The following MYO18A variants were observed in gnomAD, a reference collection of about 807,000 sequenced individuals.
MYO18A encodes the protein myosin XVIIIA.
MYO18A carries 78 observed loss-of-function variants against 235.8 expected under a neutral mutation model. That is an observed-to-expected ratio of 0.33 (90% CI 0.28 to 0.40). The LOEUF is 0.40. Among genes scored for constraint, MYO18A ranks in the 10% least tolerant of loss-of-function variants. The pLI is 1.00. For synonymous variants in MYO18A, 977 were observed against 1,077.8 expected (o/e 0.91, Z 1.83); for missense variants, 2,215 against 2,699.3 (o/e 0.82, Z 3.98).
intron 1 of MYO18A, among the ~76,000 whole-genome samples, chr17:29,178,178 T>C (rs566702930): frequency 5.9e-5 from 9 of 151,458 alleles, no homozygotes; most frequent in African/African-American, 1.2e-4. Flanking sequence ...AGCCCAGGAG[T>C]GAGGCTGAGA....
intron 14 of MYO18A, 43 bp from the exon 15 acceptor site, chr17:29,114,140 T>G: frequency 6.8e-7 from 1 of 1,464,630 alleles, no homozygotes. Context: ...GGGGTCACAT[T>G]GTGGGGAACA....
intron 40 of MYO18A, among the ~76,000 whole-genome samples, chr17:29,085,051 G>A (rs1014168556): frequency 2.0e-5 from 3 of 152,202 alleles, no homozygotes; most frequent in Admixed American, 1.3e-4. Context: ...CCCCCGCCAC[G>A]GCAAGCAGCC....
chr17:29,150,401 G>T (rs757172765), intron 2 of MYO18A, among the ~76,000 whole-genome samples: 3 of 152,234 alleles, frequency 2.0e-5, no homozygotes, highest in Admixed American at 2.0e-4. Context: ...GAAAGGAAGC[G>T]CTGCCCCAGT....
Position 29,111,930 on chromosome 17 carries a change from G to A in MYO18A, c.2599-67C>T, listed in dbSNP as rs1196137067. 15 of 1,545,958 alleles carry A rather than the reference G, an allele frequency of 9.7e-6. No homozygotes were observed. The highest frequency in any genetic ancestry group is 6.0e-5 in the Admixed American group (3 of 50,304). On this transcript the variant is annotated intron_variant, in intron 15 of 41. Transcript: ENST00000527372. This position sits in a 1 kb window ranked among gnomAD's most constrained non-coding sequence, Gnocchi z 5.1. ...GTGGGAAAGGGGCCAGGGTGGTGCC[G>A]GGCCCAAACACACCCTACAGAATGC...
At position 29,082,464 on chromosome 17, in the gene MYO18A, A is replaced by G. The variant is rs200965598; in HGVS notation, c.5898-26T>C. 9.0e-4 allele frequency: 1,455 copies of G among 1,608,474 alleles called. 5 individuals carry two copies. The highest frequency in any genetic ancestry group is 9.0e-3 in the Middle Eastern group (44 of 4,874). Reference sequence around the variant, plus strand: ...CTGTAGGGATGAGGAGCAGAAAGGTAGACAAGGCATAGGCACCTGCTGCCC... The same window carrying G: ...CTGTAGGGATGAGGAGCAGAAAGGTGGACAAGGCATAGGCACCTGCTGCCC... On this transcript the variant is annotated intron_variant, in intron 40 of 41. Coordinates refer to ENST00000527372, the MANE Select transcript of MYO18A (RefSeq NM_078471.4).
chr17:29,080,732 C>G lies in MYO18A; in HGVS notation c.6020+1584G>C, dbSNP rs946268541. 12 of 985,428 alleles carry G rather than the reference C, an allele frequency of 1.2e-5. 1 individual carries two copies. The highest frequency in any genetic ancestry group is 9.4e-5 in the South Asian group (2 of 21,294). The allele number at this position is 985,428 out of a possible 1,614,324, so 61.0% of individuals were successfully genotyped here. On this transcript the variant is annotated intron_variant, in intron 41 of 41. Coordinates refer to ENST00000527372, the MANE Select transcript of MYO18A (RefSeq NM_078471.4). ...CCCCACCGCTTCTGCGGCCCCCGGCCAGCGCGCCCCCCGGTCCCCGAGCGG... is the reference window on the plus strand; with the variant it reads ...CCCCACCGCTTCTGCGGCCCCCGGCGAGCGCGCCCCCCGGTCCCCGAGCGG...
chr17:29,104,091 G>C (rs187474916), intron 20 of MYO18A, among the ~76,000 whole-genome samples: 5 of 152,348 alleles, frequency 3.3e-5, no homozygotes, highest in African/African-American at 9.6e-5. Flanking sequence ...CTGGAACTGG[G>C]GGGTGGGTAG....
At chr17:29,128,035 T>A (rs2067367359) in intron 2 of MYO18A, 1 of 1,013,806 alleles carries the variant, frequency 9.9e-7, no homozygotes, top group African/African-American at 1.7e-5. Flanking sequence ...CTGGGGAGCC[T>A]GGCTCCTGGC....
intron 1 of MYO18A, among the ~76,000 whole-genome samples, chr17:29,170,862 T>G (rs55902508): frequency 0.14 from 20,917 of 152,140 alleles, 2,250 homozygotes; most frequent in East Asian, 0.57. Context: ...CTCATATTCA[T>G]GCAATGGAAT....
chr17:29,118,132 C>T lies in MYO18A; in HGVS notation c.1951G>A (p.Val651Met), dbSNP rs370640077. The change falls in exon 10 of 42, where the codon GTG becomes ATG. Residue 651 changes from valine to methionine, a missense_variant. Transcript: ENST00000527372. This position sits in a 1 kb window ranked among gnomAD's most constrained non-coding sequence, Gnocchi z 4.2. ...TGTTCATCGGGGGAGATGCCCAGCACCTTCATGGCCGCCTGCAGCTTACTA... is the reference window on the plus strand; with the variant it reads ...TGTTCATCGGGGGAGATGCCCAGCATCTTCATGGCCGCCTGCAGCTTACTA... ...QFSKLQAAMK[V>M]LGISPDEQKA... 11 of 1,596,012 alleles carry T rather than the reference C, an allele frequency of 6.9e-6. No homozygotes were observed. The highest frequency in any genetic ancestry group is 8.5e-6 in the Non-Finnish European group (10 of 1,170,796).
At chr17:29,130,367 C>T (rs1490916481) in intron 2 of MYO18A, among the ~76,000 whole-genome samples, 1 of 146,250 alleles carries the variant, frequency 6.8e-6, no homozygotes, top group Non-Finnish European at 1.5e-5. Context: ...ATTGGTAAGA[C>T]TTACACAGTA....
At chr17:29,131,861 GA>G (rs947012885) in intron 2 of MYO18A, among the ~76,000 whole-genome samples, 1 of 152,250 alleles carries the variant, frequency 6.6e-6, no homozygotes, top group East Asian at 1.9e-4. Context: ...TCTAGTGACT[GA>G]GGAGGTAAAA....
chr17:29,107,908 T>C (rs2066831649), intron 19 of MYO18A, among the ~76,000 whole-genome samples: 2 of 135,984 alleles, frequency 1.5e-5, no homozygotes, highest in African/African-American at 6.1e-5. Context: ...AGAGCAAGAC[T>C]GTGTCTCAAA....
chr17:29,157,263 T>C (rs1405831154), intron 2 of MYO18A, among the ~76,000 whole-genome samples: 1 of 152,218 alleles, frequency 6.6e-6, no homozygotes, highest in Non-Finnish European at 1.5e-5. Context: ...GAATCCTGCC[T>C]GCTGCCACTT....
Position 29,110,089 on chromosome 17 carries a change from C to A in MYO18A, c.3100G>T (p.Asp1034Tyr). Residue 1034 changes from aspartate to tyrosine, a missense_variant, in exon 19 of 42, where the codon GAC (aspartate) becomes TAC (tyrosine). Coordinates refer to ENST00000527372, the MANE Select transcript of MYO18A (RefSeq NM_078471.4). ...QMKLQVDALI[D>Y]TIKKSKLHFV... ...TGCAGCTTTGACTTCTTGATGGTGT[C>A]GATGAGGGCGTCCTGCCGAGGGGAA... The A allele has an allele frequency of 6.2e-7, 1 of 1,610,598 alleles. No homozygotes were observed. The highest frequency in any genetic ancestry group is 1.3e-5 in the African/African-American group (1 of 75,026).
intron 2 of MYO18A, chr17:29,124,686 C>T: frequency 7.8e-7 from 1 of 1,284,172 alleles, no homozygotes; most frequent in Non-Finnish European, 1.0e-6. Context: ...CCTCAGAGTC[C>T]AGCTACCGAC....
At chr17:29,168,220 T>G (rs1376649943) in intron 1 of MYO18A, among the ~76,000 whole-genome samples, 1 of 151,896 alleles carries the variant, frequency 6.6e-6, no homozygotes, top group Non-Finnish European at 1.5e-5. Context: ...CCTAAAAAAT[T>G]CACATCCTTT....
At chr17:29,136,249 A>AT (rs1567623846) in intron 2 of MYO18A, among the ~76,000 whole-genome samples, 116 of 77,566 alleles carry the variant, frequency 1.5e-3, no homozygotes, top group African/African-American at 3.2e-3. Context: ...AAAAAAAAAA[A>AT]AATATATATA....
Position 29,135,150 on chromosome 17 carries a change from G to C in MYO18A, c.1000-12897C>G, listed in dbSNP as rs2067566730. Among the ~76,000 whole-genome samples the C allele has an allele frequency of 2.0e-5, 3 of 151,656 alleles. No individual in the cohort carries two copies. In the South Asian group the frequency reaches 6.3e-4, roughly 32 times the overall value. ...TCATCTCACTCTATCACCCAGGCTG[G>C]AGTACAGTGGTGCAATCTTGCCTCA... On this transcript the variant is annotated intron_variant, in intron 2 of 41. Coordinates refer to ENST00000527372, the MANE Select transcript of MYO18A (RefSeq NM_078471.4).
Sources: allele counts gnomAD v4.1 joint callset (sites outside exome capture counted in the v4.1 genomes callset), GRCh38; gene constraint gnomAD v4.1.1; non-coding constraint Gnocchi (gnomAD v3.1); transcripts MANE v1.5; gene names NCBI Gene and HGNC (gene_info 2026-07-23, HGNC 2026-07-21).